ABHD2: variants seen among roughly 807,000 people sequenced by gnomAD.
ABHD2 encodes monoacylglycerol lipase ABHD2.
In ABHD2, 20 loss-of-function variants were observed where a neutral mutation model predicts 48.1. That is an observed-to-expected ratio of 0.42 (90% CI 0.29 to 0.60). The LOEUF (loss-of-function observed/expected upper bound fraction) is 0.60, where lower values mean the gene tolerates loss of function less well. ABHD2 is among the 20% of genes least tolerant of loss of function. ABHD2 has a pLI of 0.24. For synonymous variants in ABHD2, 209 were observed against 214.2 expected (o/e 0.98, Z 0.21); for missense variants, 405 against 550.9 (o/e 0.74, Z 2.65).
In ABHD2 at chr15:89,188,388, T is replaced by A. The variant is rs536527654; in HGVS notation, c.926+85T>A. 8.3e-7 allele frequency: 1 copy of A among 1,204,728 alleles called. No homozygotes were observed. Among genetic ancestry groups the A allele is most frequent in the East Asian group, 2.3e-5 (1 of 42,656 alleles). The allele number at this position is 1,204,728 out of a possible 1,614,324, so 74.6% of individuals were successfully genotyped here. A position where few individuals can be genotyped will look rare whatever the true frequency, so the allele number is the denominator to read the frequency against. ...AGGTCAGCTGTGCCCAGCACTAGTG[T>A]TTGCTCTGCCTACTTGAGTGTTAAG... On this transcript the variant is annotated intron_variant, in intron 8 of 10. Transcript: ENST00000352732. This position sits in a 1 kb window ranked among gnomAD's most constrained non-coding sequence, Gnocchi z 4.1.
At chr15:89,183,970 A>G (rs1304120602) in intron 6 of ABHD2, among the ~76,000 whole-genome samples, 1 of 152,128 alleles carries the variant, frequency 6.6e-6, no homozygotes, top group African/African-American at 2.4e-5. Context: ...AGGTGAGCAC[A>G]GTCCTGCTTT....
chr15:89,079,826 G>A, the ABHD2 span, among the ~76,000 whole-genome samples: 32 of 152,314 alleles, frequency 2.1e-4, no homozygotes, highest in African/African-American at 7.7e-4. This position sits in a 1 kb window ranked among gnomAD's most constrained non-coding sequence, Gnocchi z 4.3. Context: ...CTAAGTAGGT[G>A]AAGCCGAGAA....
intron 8 of ABHD2, among the ~76,000 whole-genome samples, chr15:89,190,358 T>C (rs1320582533): frequency 6.6e-6 from 1 of 152,228 alleles, no homozygotes; most frequent in African/African-American, 2.4e-5. Context: ...GAAGGTTTTG[T>C]TACATGCCAG....
chr15:89,127,731 A>G (rs986689682), intron 3 of ABHD2, among the ~76,000 whole-genome samples: 1 of 144,852 alleles, frequency 6.9e-6, no homozygotes, highest in African/African-American at 2.6e-5. Flanking sequence ...ACATATATAT[A>G]TATATATATG....
At chr15:89,059,292 C>T in the ABHD2 span, among the ~76,000 whole-genome samples, 1 of 152,152 alleles carries the variant, frequency 6.6e-6, no homozygotes, top group Non-Finnish European at 1.5e-5. Flanking sequence ...CACATCCTCA[C>T]AAAATGTTCG....
intron 5 of ABHD2, among the ~76,000 whole-genome samples, chr15:89,161,126 A>T (rs2050755870): frequency 6.6e-6 from 1 of 152,188 alleles, no homozygotes; most frequent in African/African-American, 2.4e-5. Flanking sequence ...TACCTGTGCC[A>T]GTGGCTTAGC....
rs1412503216 is a variant in ABHD2, at chr15:89,164,498, G to T, written c.538+8964G>T. Among the ~76,000 whole-genome samples the T allele has an allele frequency of 1.3e-5, 2 of 151,988 alleles. No homozygotes were observed. Among genetic ancestry groups the T allele is most frequent in the South Asian group, 2.1e-4 (1 of 4,822 alleles). On this transcript the variant is annotated intron_variant, in intron 5 of 10. Transcript: ENST00000352732. This position sits in a 1 kb window ranked among gnomAD's most constrained non-coding sequence, Gnocchi z 5.0. ...CTGAGAAAGACTGTTAAGAAATTTG[G>T]CAATAAGTCCCAGCATGGTGGCTCA...
At chr15:89,110,488 AT>A (rs749560500) in intron 1 of ABHD2, among the ~76,000 whole-genome samples, 91 of 148,532 alleles carry the variant, frequency 6.1e-4, no homozygotes, top group East Asian at 2.0e-3. Flanking sequence ...TCCTTGCTTA[AT>A]TTTTTTTTTT....
rs1054112493 is a variant in ABHD2, at chr15:89,176,970, T to G, written c.722+975T>G. On this transcript the variant is annotated intron_variant, in intron 6 of 10. Transcript: ENST00000352732. This position sits in a 1 kb window ranked among gnomAD's most constrained non-coding sequence, Gnocchi z 4.5. ...TTCTGATGGATAGAGGCCATCTATA[T>G]TATTTCTAAAAATACATATTACTGG... is the stretch of plus-strand genomic sequence containing the variant. 5.3e-5 allele frequency among the ~76,000 whole-genome samples: 8 copies of G among 152,354 alleles called. No homozygotes were observed. The highest frequency in any genetic ancestry group is 3.4e-3 in the Middle Eastern group (1 of 294).
intron 3 of ABHD2, among the ~76,000 whole-genome samples, chr15:89,128,816 C>T (rs1473126766): frequency 6.6e-6 from 1 of 151,974 alleles, no homozygotes; most frequent in Non-Finnish European, 1.5e-5. Flanking sequence ...GATCAGATCA[C>T]GAGGAGTCTC....
chr15:89,190,717 G>T (rs2051289514), intron 8 of ABHD2, among the ~76,000 whole-genome samples: 1 of 152,170 alleles, frequency 6.6e-6, no homozygotes, highest in Non-Finnish European at 1.5e-5. Context: ...GTTCCATTGA[G>T]GAAGGCCCTG....
At chr15:89,050,758 G>A in the ABHD2 span, among the ~76,000 whole-genome samples, 1 of 152,196 alleles carries the variant, frequency 6.6e-6, no homozygotes, top group Non-Finnish European at 1.5e-5. Context: ...CCCTGAGGAA[G>A]GCAAGGGCAG....
chr15:89,135,886 A>G, intron 3 of ABHD2: 1 of 642,146 alleles, frequency 1.6e-6, no homozygotes. Context: ...AACAGGAAGA[A>G]GGCCGAAGGA....
Position 89,166,045 on chromosome 15 carries a change from T to G in ABHD2, c.539-9767T>G, listed in dbSNP as rs1446290821. ...CTGGCCTCCATATCATACCTTCATA[T>G]CTTGAAAGTTTTATCACCAGAAAAT... On this transcript the variant is annotated intron_variant, in intron 5 of 10. Coordinates refer to ENST00000352732, the MANE Select transcript of ABHD2 (RefSeq NM_152924.5). The surrounding 1 kb of genome is among the most constrained non-coding windows in gnomAD (Gnocchi z 4.6). Among the ~76,000 whole-genome samples the G allele has an allele frequency of 6.6e-6, 1 of 152,210 alleles. No homozygotes were observed. The highest frequency in any genetic ancestry group is 2.4e-5 in the African/African-American group (1 of 41,450).
chr15:89,180,863 A>C (rs987524547), intron 6 of ABHD2, among the ~76,000 whole-genome samples: 22 of 152,244 alleles, frequency 1.4e-4, no homozygotes, highest in African/African-American at 5.1e-4. Context: ...ATACCAACTC[A>C]GTGGGAAACG....
the ABHD2 span, among the ~76,000 whole-genome samples, chr15:89,074,789 G>A: frequency 5.9e-5 from 9 of 152,112 alleles, no homozygotes; most frequent in African/African-American, 2.2e-4. Flanking sequence ...TCTCACCAGC[G>A]TCTCAAGTCT....
intron 3 of ABHD2, among the ~76,000 whole-genome samples, chr15:89,129,282 G>C (rs904038515): frequency 1.3e-5 from 2 of 152,100 alleles, no homozygotes; most frequent in African/African-American, 4.8e-5. Flanking sequence ...ACAGAGACAG[G>C]CAGTAAGAAA....
rs1367882989 is a variant in ABHD2, at chr15:89,091,508, C to T, written c.-107+2945C>T. On this transcript the variant is annotated intron_variant, in intron 1 of 10. Transcript: ENST00000352732. The surrounding 1 kb of genome is among the most constrained non-coding windows in gnomAD (Gnocchi z 5.5). ...TGGATGAGCTTCTCATTTGCTGTTA[C>T]TCGTTGCTTTAAGCATTTACGCCTT... Among the ~76,000 whole-genome samples, 2 of 152,136 alleles carry T rather than the reference C, an allele frequency of 1.3e-5. No individual in the cohort carries two copies. The highest frequency in any genetic ancestry group is 2.9e-5 in the Non-Finnish European group (2 of 68,042).
At chr15:89,056,252 GA>G in the ABHD2 span, among the ~76,000 whole-genome samples, 2 of 151,990 alleles carry the variant, frequency 1.3e-5, no homozygotes, top group Non-Finnish European at 2.9e-5. Flanking sequence ...AAAATAATAG[GA>G]AAAAAACTCA....
Sources: gnomAD v4.1 joint callset for allele counts (sites outside exome capture counted in the v4.1 genomes callset) on GRCh38, gnomAD v4.1.1 for gene constraint, Gnocchi (gnomAD v3.1) non-coding constraint, MANE v1.5 for transcripts, NCBI Gene and HGNC (gene_info 2026-07-23, HGNC 2026-07-21) for gene names.